TEP1: variants seen among roughly 807,000 people sequenced by gnomAD.
TEP1 encodes the protein telomerase associated protein 1.
Under a neutral mutation model 306.3 loss-of-function variants are expected in TEP1, and 241 were observed. That is an observed-to-expected ratio of 0.79 (90% CI 0.71 to 0.88). The LOEUF is 0.88. Among genes scored for constraint, TEP1 ranks in the 40% least tolerant of loss-of-function variants. The pLI is 0.00. For synonymous variants in TEP1, 1,289 were observed against 1,305.5 expected (o/e 0.99, Z 0.27); for missense variants, 3,051 against 3,276.1 (o/e 0.93, Z 1.68).
At chr14:20,403,701 G>C (rs747733923) in intron 6 of TEP1, 22 bp downstream of exon 6, 4 of 1,612,794 alleles carry the variant, frequency 2.5e-6, no homozygotes, top group Middle Eastern at 1.9e-4. Flanking sequence ...GGCGTGGGTC[G>C]AGGGCTGGGG....
chr14:20,399,543 A>G (rs1878485524), intron 9 of TEP1, among the ~76,000 whole-genome samples: 1 of 142,980 alleles, frequency 7.0e-6, no homozygotes, highest in Admixed American at 7.4e-5. Context: ...TTATTTATTT[A>G]TATTTATTTT....
At chr14:20,387,652 C>T (rs926375643) in intron 18 of TEP1, among the ~76,000 whole-genome samples, 13 of 152,256 alleles carry the variant, frequency 8.5e-5, no homozygotes, top group East Asian at 3.8e-4. Flanking sequence ...CCTCTGCCTA[C>T]GCCCTGGCCA....
chr14:20,390,516 A>T (rs1222514570), intron 15 of TEP1, among the ~76,000 whole-genome samples, 165 bp downstream of exon 15: 1 of 152,228 alleles, frequency 6.6e-6, no homozygotes, highest in Non-Finnish European at 1.5e-5. Flanking sequence ...GCTGGTTGTT[A>T]GATATTCAGC....
Position 20,381,629 on chromosome 14 carries a change from C to T in TEP1, c.4482G>A (p.Gly1494=). The T allele has an allele frequency of 1.2e-6, 2 of 1,613,910 alleles. No individual in the cohort carries two copies. The highest frequency in any genetic ancestry group is 1.7e-6 in the Non-Finnish European group (2 of 1,179,958). The change falls in exon 31 of 55, where the codon GGG becomes GGA. Residue 1494 remains glycine, a synonymous_variant. Coordinates refer to ENST00000262715, the MANE Select transcript of TEP1 (RefSeq NM_007110.5). This position sits in a 1 kb window ranked among gnomAD's most constrained non-coding sequence, Gnocchi z 4.0. ...AACGTTTAGCTGCTGTTCTCAGGGG[C>T]CCATCAGGGAGGCACAGCCGGGCAC... ...RPGARLCLPD[G]PLRTAAKRCY...
At position 20,408,157 on chromosome 14, in the gene TEP1, G is replaced by A. The variant is rs367610618; in HGVS notation, c.283C>T (p.His95Tyr). 4 of 1,610,818 alleles carry A rather than the reference G, an allele frequency of 2.5e-6. No individual in the cohort carries two copies. The African/African-American group carries it at 4.0e-5, about 16-fold the overall frequency. Residue 95 changes from histidine to tyrosine, a missense_variant, in exon 2 of 55, where the codon CAT (histidine) becomes TAT (tyrosine). His to Tyr is a moderately conservative substitution (Grantham distance 83). This residue lies in a region of TEP1 where 1,507 missense variants were observed against 1,550.5 expected (regional missense o/e 0.97). Transcript: ENST00000262715. ...LSDLKTMEKP[H>Y]GHVSAHPDIL... ...TCTGGGTGGGCAGAAACATGTCCAT[G>A]TGGTTTCTCCATGGTCTTCAGGTCA...
intron 5 of TEP1, among the ~76,000 whole-genome samples, chr14:20,404,311 C>T (rs1245092803): frequency 2.0e-5 from 3 of 150,454 alleles, no homozygotes; most frequent in African/African-American, 7.4e-5. Context: ...GCCGAGATCA[C>T]GCCATTGTAC....
At chr14:20,377,570 T>G (rs1050528678) in intron 40 of TEP1, 30 bp downstream of exon 40, 2 of 1,613,896 alleles carry the variant, frequency 1.2e-6, no homozygotes, top group Admixed American at 3.3e-5. Context: ...TTCTAAAGGC[T>G]CAAAAACCCA....
At chr14:20,394,501 C>T in intron 12 of TEP1, among the ~76,000 whole-genome samples, 1 of 87,556 alleles carries the variant, frequency 1.1e-5, no homozygotes, top group Non-Finnish European at 2.3e-5. Context: ...TTTTTTGAGA[C>T]AGAGTCTCAC....
At chr14:20,375,924 C>A in intron 42 of TEP1, 56 bp from the exon 43 acceptor site, 1 of 1,522,720 alleles carries the variant, frequency 6.6e-7, no homozygotes, top group Non-Finnish European at 9.1e-7. Context: ...ATGGGAACCC[C>A]GGAGCCATTT....
chr14:20,371,111 G>T (rs1884804839), intron 51 of TEP1, 107 bp downstream of exon 51: 1 of 895,206 alleles, frequency 1.1e-6, no homozygotes, highest in Non-Finnish European at 1.8e-6. Context: ...AAGAGGATTT[G>T]CAGCCAACTG....
chr14:20,399,632 TAAAAAAAAAAAA>T (rs71416944), intron 9 of TEP1, among the ~76,000 whole-genome samples: 1 of 78,612 alleles, frequency 1.3e-5, no homozygotes. Context: ...CCCTGTTTCT[TAAAAAAAAAAAA>T]AAAAAAAAAA....
In TEP1 at chr14:20,378,223, G is replaced by A. The variant is rs1419767961; in HGVS notation, c.5522C>T (p.Pro1841Leu). The A allele has an allele frequency of 6.2e-7, 1 of 1,613,390 alleles. No individual in the cohort carries two copies. Among genetic ancestry groups the A allele is most frequent in the Non-Finnish European group, 8.5e-7 (1 of 1,180,044 alleles). ...GGCCAAGGTACGGATAGAGGCTCCG[G>A]GTGCCCCCAGGTCCTACACAGGGAG... is the stretch of plus-strand genomic sequence containing the variant. The part of the protein sequence containing the change: ...GLKVTKDLGA[P>L]GASIRTLAFN... The change falls in exon 39 of 55, where the codon CCC (proline) becomes CTC (leucine). Residue 1841 changes from proline (P) to leucine (L), a missense_variant. By Grantham distance (98) the Pro-to-Leu change is moderately conservative. Coordinates refer to ENST00000262715, the MANE Select transcript of TEP1 (RefSeq NM_007110.5).
In TEP1 at chr14:20,386,074, C is replaced by T. The variant is rs1177163590; in HGVS notation, c.2982+1G>A. ...CCCTCCTCCAAACCTGTCTGCCTTA[C>T]CCAGTGGAAGTGTGGATGGTCAGGA... On this transcript the variant is annotated splice_donor_variant, in intron 20 of 54. Coordinates refer to ENST00000262715, the MANE Select transcript of TEP1 (RefSeq NM_007110.5). LOFTEE classifies it high-confidence loss of function. The T allele has an allele frequency of 3.1e-6, 5 of 1,607,260 alleles. No individual in the cohort carries two copies. The highest frequency in any genetic ancestry group is 2.7e-5 in the African/African-American group (2 of 74,514).
intron 47 of TEP1, 26 bp from the exon 48 acceptor site, chr14:20,373,173 T>C (rs773796816): frequency 1.2e-6 from 2 of 1,613,998 alleles, no homozygotes; most frequent in Non-Finnish European, 1.7e-6. Context: ...CGTGTTTCAT[T>C]AGGAGCTGGG....
chr14:20,405,380 C>T (rs552833105), intron 4 of TEP1, 71 bp downstream of exon 4: 10 of 1,553,606 alleles, frequency 6.4e-6, no homozygotes, highest in East Asian at 2.3e-5. Flanking sequence ...GTCACCACCC[C>T]GCCACACACC....
chr14:20,402,547 A>G (rs1878838676), intron 7 of TEP1, among the ~76,000 whole-genome samples: 1 of 152,222 alleles, frequency 6.6e-6, no homozygotes, highest in African/African-American at 2.4e-5. Context: ...CTTTAAATAT[A>G]GTAACTTATT....
At position 20,386,611 on chromosome 14, in the gene TEP1, G is replaced by A. The variant is rs1048527199; in HGVS notation, c.2697C>T (p.Ile899=). The part of the protein sequence containing the change: ...APVSQQGWRS[I]RLFISSTFRD... ...GGAAAGTGGATGAAATGAAAAGCCG[G>A]ATGCTGCGCCATCTGGGGATAAGCA... The change falls in exon 19 of 55, where the codon ATC becomes ATT. Residue 899 remains isoleucine, a synonymous_variant. Coordinates refer to ENST00000262715, the MANE Select transcript of TEP1 (RefSeq NM_007110.5). The A allele has an allele frequency of 2.5e-6, 4 of 1,601,648 alleles. No homozygotes were observed. The highest frequency in any genetic ancestry group is 4.5e-5 in the East Asian group (2 of 44,566).
chr14:20,393,764 G>A (rs550124038), intron 12 of TEP1, among the ~76,000 whole-genome samples: 89 of 151,198 alleles, frequency 5.9e-4, no homozygotes, highest in South Asian at 2.1e-3. Flanking sequence ...CCTGGGTGAC[G>A]AAGTGGGACT....
chr14:20,378,064 T>G lies in TEP1; in HGVS notation c.5681A>C (p.His1894Pro). ...HGFVAAALFLHAGCQLLTAGE... is the reference protein window; with the variant it reads ...HGFVAAALFLPAGCQLLTAGE... ...AGCCGTCAGTAACTGGCAACCCGCA[T>G]GCAGGAAAAGCGCAGCAGCAACAAA... Residue 1894 changes from histidine to proline, a missense_variant, in exon 39 of 55, where the codon CAT becomes CCT. Around this residue, in one of 3 missense-constraint regions of TEP1, gnomAD observed 1,540 missense variants for 1,705.9 expected, o/e 0.90. Transcript: ENST00000262715. The G allele has an allele frequency of 6.2e-7, 1 of 1,613,680 alleles. No homozygotes were observed.
Sources: allele counts gnomAD v4.1 joint callset (sites outside exome capture counted in the v4.1 genomes callset), GRCh38; gene constraint gnomAD v4.1.1; regional missense constraint gnomAD v4.1.1; non-coding constraint Gnocchi (gnomAD v3.1); transcripts MANE v1.5; gene names NCBI Gene and HGNC (gene_info 2026-07-23, HGNC 2026-07-21).